The following HPS5 variants were observed in gnomAD, a reference collection of about 807,000 sequenced individuals.
The protein encoded by HPS5 is BLOC-2 complex member HPS5.
Under a neutral mutation model 128.0 loss-of-function variants are expected in HPS5, and 83 were observed. The ratio of observed to expected loss-of-function variants is 0.65; its 90% CI spans 0.54 to 0.78. The LOEUF is 0.78. Ranked by LOEUF, HPS5 falls within the 30% of genes least tolerant of loss-of-function variation. The probability of loss-of-function intolerance (pLI) is 0.00; values close to 1 mark genes in which losing one functional copy is unlikely to be tolerated. For synonymous variants in HPS5, 475 were observed against 470.2 expected (o/e 1.01, Z -0.13); for missense variants, 1,281 against 1,326.2 (o/e 0.97, Z 0.53).
At chr11:18,300,175 A>C (rs1398203140) in intron 9 of HPS5, among the ~76,000 whole-genome samples, 1 of 152,164 alleles carries the variant, frequency 6.6e-6, no homozygotes, top group African/African-American at 2.4e-5. Context: ...AGATATGCTA[A>C]CCACCCTGAT....
chr11:18,305,325 CA>C, intron 8 of HPS5, 96 bp downstream of exon 8: 1 of 793,218 alleles, frequency 1.3e-6, no homozygotes, highest in East Asian at 2.6e-5. Context: ...TAATTTAGTG[CA>C]AAAATAACCT....
rs750207205 is a variant in HPS5, at chr11:18,287,975, T to C, written c.2479A>G (p.Lys827Glu). 6.2e-7 allele frequency: 1 copy of C among 1,613,882 alleles called. No individual in the cohort carries two copies. Among genetic ancestry groups the C allele is most frequent in the South Asian group, 1.1e-5 (1 of 91,078 alleles). ...SSNPVYMEME[K>E]GDLPTRLKLL... ...TTTAACCTTGTTGGTAGATCTCCTT[T>C]TTCCATCTCCATATACACAGGATTG... The change falls in exon 17 of 23, where the codon AAA (lysine) becomes GAA (glutamate). Residue 827 changes from lysine to glutamate, a missense_variant. By Grantham distance (56) the Lys-to-Glu change is moderately conservative. Transcript: ENST00000349215.
chr11:18,312,547 C>T (rs1316128176), intron 2 of HPS5, among the ~76,000 whole-genome samples: 1 of 152,216 alleles, frequency 6.6e-6, no homozygotes, highest in African/African-American at 2.4e-5. Flanking sequence ...GACTAAGAGA[C>T]ATTCCCAATC....
intron 8 of HPS5, among the ~76,000 whole-genome samples, chr11:18,304,021 T>C (rs931503679): frequency 2.0e-5 from 3 of 152,148 alleles, no homozygotes; most frequent in African/African-American, 7.2e-5. Context: ...GCTTACTGTT[T>C]AGGGTAAGAC....
intron 1 of HPS5, among the ~76,000 whole-genome samples, chr11:18,320,635 C>A (rs1342740704): frequency 6.6e-6 from 1 of 152,168 alleles, no homozygotes; most frequent in Non-Finnish European, 1.5e-5. Context: ...ATTTAACATT[C>A]CCAGTTTCTT....
At chr11:18,306,432 T>C in intron 6 of HPS5, 85 bp from the exon 7 acceptor site, 1 of 815,106 alleles carries the variant, frequency 1.2e-6, no homozygotes, top group Non-Finnish European at 2.1e-6. Context: ...ATGGGCATAA[T>C]AACTCCACTC....
chr11:18,290,973 C>G (rs2134277785), intron 16 of HPS5, among the ~76,000 whole-genome samples: 2 of 152,230 alleles, frequency 1.3e-5, no homozygotes, highest in African/African-American at 4.8e-5. Context: ...GATCCCAACA[C>G]TTTGGGAGGC....
chr11:18,295,871 A>G (rs1189091592), intron 13 of HPS5, 128 bp downstream of exon 13: 1 of 984,650 alleles, frequency 1.0e-6, no homozygotes, highest in Non-Finnish European at 1.6e-6. Flanking sequence ...TAATAGCTCC[A>G]TATGACAAGT....
chr11:18,317,653 C>T, intron 2 of HPS5, 98 bp downstream of exon 2: 1 of 1,176,194 alleles, frequency 8.5e-7, no homozygotes, highest in Non-Finnish European at 1.2e-6. Flanking sequence ...CAGGTAAGAA[C>T]ACCCAAGATT....
At chr11:18,290,591 T>C (rs1860276067) in intron 16 of HPS5, among the ~76,000 whole-genome samples, 1 of 152,232 alleles carries the variant, frequency 6.6e-6, no homozygotes, top group South Asian at 2.1e-4. Context: ...CCAGCACTGC[T>C]CTACCATTTT....
chr11:18,311,472 C>T (rs1264414950), intron 3 of HPS5, 21 bp from the exon 4 acceptor site: 7 of 1,411,838 alleles, frequency 5.0e-6, no homozygotes, highest in African/African-American at 2.8e-5. Flanking sequence ...AAAGAAAATA[C>T]ATTTTTTAAA....
In HPS5 at chr11:18,292,921, T is replaced by C. The variant is rs1333813289; in HGVS notation, c.1840A>G (p.Lys614Glu). Residue 614 changes from lysine to glutamate, a missense_variant, in exon 15 of 23, where the codon AAA (lysine) becomes GAA (glutamate). Transcript: ENST00000349215. The stretch of plus-strand genomic sequence containing the variant: ...CACATTGCTTCTGCTGTTGCTACTT[T>C]AAGCTCCTGGAACCTGTCTTCTTCT... ...PPEEDRFQELKVATAEAMTKL... is the reference protein window; with the variant it reads ...PPEEDRFQELEVATAEAMTKL... The C allele has an allele frequency of 1.9e-6, 3 of 1,613,932 alleles. No homozygotes were observed. The African/African-American group carries it at 4.0e-5, about 22-fold the overall frequency.
chr11:18,314,914 G>A (rs192812464), intron 2 of HPS5, among the ~76,000 whole-genome samples: 236 of 152,076 alleles, frequency 1.6e-3, no homozygotes, highest in Middle Eastern at 6.8e-3. Context: ...TTTCCCAAGC[G>A]GTCTCAAACT....
chr11:18,314,938 A>C (rs1443707062), intron 2 of HPS5, among the ~76,000 whole-genome samples: 2 of 152,104 alleles, frequency 1.3e-5, no homozygotes, highest in Non-Finnish European at 2.9e-5. Flanking sequence ...GAGCTCAACC[A>C]ATCCTCCCAC....
At position 18,296,830 on chromosome 11, in the gene HPS5, G is replaced by C. The variant is rs746982513; in HGVS notation, c.1478C>G (p.Pro493Arg). ...EFTSQQEEDL[P>R]DQCCGSHGNE... ...TCCGTGTGAGCCACAACACTGATCT[G>C]GCAGGTCCTCTTCCTGCTGTGAGGT... The change falls in exon 12 of 23, where the codon CCA becomes CGA. Residue 493 changes from proline to arginine, a missense_variant. Physicochemically the swap from Pro to Arg is moderately radical, Grantham distance 103. Transcript: ENST00000349215. 2 of 1,614,094 alleles carry C rather than the reference G, an allele frequency of 1.2e-6. No homozygotes were observed. The highest frequency in any genetic ancestry group is 2.2e-5 in the East Asian group (1 of 44,878).
At chr11:18,288,742 G>A (rs1231321849) in intron 16 of HPS5, among the ~76,000 whole-genome samples, 2 of 151,748 alleles carry the variant, frequency 1.3e-5, no homozygotes, top group Non-Finnish European at 2.9e-5. Flanking sequence ...GGCTGTGTGT[G>A]TGTGTGTGTG....
chr11:18,279,954 A>G lies in HPS5; in HGVS notation c.3330-12T>C. The G allele has an allele frequency of 6.2e-7, 1 of 1,613,882 alleles. No individual in the cohort carries two copies. The highest frequency in any genetic ancestry group is 8.5e-7 in the Non-Finnish European group (1 of 1,179,732). ...TTTGTATCAAGGCCCTGAAATCCCA[A>G]AGAAAAGAAACAAGCAAATTTAGTT... On this transcript the variant is annotated splice_polypyrimidine_tract_variant and intron_variant, in intron 22 of 22. Transcript: ENST00000349215.
In HPS5 at chr11:18,295,103, T is replaced by C. The variant is rs1238846459; in HGVS notation, c.1701A>G (p.Lys567=). ...IGTLHTSPDL[K]VRPELRGDEQ... ...CATCACCCCTGAGCTCTGGTCTCAC[T>C]TTCAGATCAGGGCTCGTGTGAAGGG... The change falls in exon 14 of 23, where the codon AAA becomes AAG. Residue 567 remains lysine, a synonymous_variant. Transcript: ENST00000349215. 2.5e-6 allele frequency: 4 copies of C among 1,614,038 alleles called. No individual in the cohort carries two copies. Among genetic ancestry groups the C allele is most frequent in the African/African-American group, 1.3e-5 (1 of 74,928 alleles).
intron 2 of HPS5, among the ~76,000 whole-genome samples, chr11:18,315,633 A>G (rs1863534920): frequency 1.3e-5 from 2 of 152,038 alleles, no homozygotes; most frequent in Non-Finnish European, 2.9e-5. Context: ...AAATAGAAAG[A>G]AAGAAAGAAA....
Sources: allele counts gnomAD v4.1 joint callset (sites outside exome capture counted in the v4.1 genomes callset), GRCh38; gene constraint gnomAD v4.1.1; transcripts MANE v1.5; gene names NCBI Gene and HGNC (gene_info 2026-07-23, HGNC 2026-07-21).